EPB41L3: variants seen among roughly 807,000 people sequenced by gnomAD.
EPB41L3 encodes band 4.1-like protein 3.
A neutral mutation model predicts 127.1 loss-of-function variants in EPB41L3; 57 were observed. The observed-to-expected ratio is 0.45, with a 90% confidence interval of 0.36 to 0.56. The LOEUF is 0.56. Among genes scored for constraint, EPB41L3 ranks in the 20% least tolerant of loss-of-function variants. EPB41L3 has a pLI of 0.00. For missense variants in EPB41L3, 1,273 were observed against 1,372.2 expected (o/e 0.93, Z 1.14); for synonymous variants, 572 against 549.5 (o/e 1.04, Z -0.57).
intron 6 of EPB41L3, among the ~76,000 whole-genome samples, chr18:5,435,892 T>A (rs1376025048): frequency 6.6e-6 from 1 of 152,214 alleles, no homozygotes; most frequent in African/African-American, 2.4e-5. Flanking sequence ...CAGTTCTCAT[T>A]TTTAGAATTT....
At chr18:5,570,565 TTTTC>T (rs2094264351) in intron 3 of EPB41L3, among the ~76,000 whole-genome samples, 1 of 151,992 alleles carries the variant, frequency 6.6e-6, no homozygotes, top group African/African-American at 2.4e-5. Flanking sequence ...AGCCCATTCT[TTTTC>T]TTTTTCTTTT....
Position 5,397,918 on chromosome 18 carries a change from G to C in EPB41L3, c.2472+103C>G. The C allele has an allele frequency of 7.0e-7, 1 of 1,432,134 alleles. No individual in the cohort carries two copies. Among genetic ancestry groups the C allele is most frequent in the East Asian group, 2.3e-5 (1 of 43,950 alleles). The allele number at this position is 1,432,134 out of a possible 1,614,324, so 88.7% of individuals were successfully genotyped here. On this transcript the variant is annotated intron_variant, in intron 17 of 22. Transcript: ENST00000341928. This position sits in a 1 kb window ranked among gnomAD's most constrained non-coding sequence, Gnocchi z 4.1. ...GTGAAGACACCTTTGAGATGTTGAA[G>C]GCAAAGCCAGCTGGATGCAACCACA...
At chr18:5,613,253 T>A (rs2094750317) in intron 2 of EPB41L3, among the ~76,000 whole-genome samples, 1 of 152,198 alleles carries the variant, frequency 6.6e-6, no homozygotes, top group Admixed American at 6.5e-5. Context: ...AAATAATAAA[T>A]GTCCTGGCTT....
intron 1 of EPB41L3, among the ~76,000 whole-genome samples, chr18:5,503,064 C>G (rs1353223058): frequency 6.6e-6 from 1 of 152,084 alleles, no homozygotes; most frequent in Non-Finnish European, 1.5e-5. Context: ...AGATTTTCTA[C>G]AAAAGTACTA....
chr18:5,410,671 T>C, intron 13 of EPB41L3, 52 bp from the exon 14 acceptor site: 1 of 1,508,342 alleles, frequency 6.6e-7, no homozygotes, highest in Non-Finnish European at 9.2e-7. Flanking sequence ...GGACAGAAAG[T>C]AAACCATCTG....
chr18:5,555,618 C>T (rs954925111), intron 3 of EPB41L3, among the ~76,000 whole-genome samples: 1 of 152,142 alleles, frequency 6.6e-6, no homozygotes, highest in Non-Finnish European at 1.5e-5. Flanking sequence ...GATCTATTAC[C>T]AAGCCCTTTG....
At chr18:5,592,607 G>C (rs959334553) in intron 3 of EPB41L3, among the ~76,000 whole-genome samples, 2 of 152,226 alleles carry the variant, frequency 1.3e-5, no homozygotes, top group Non-Finnish European at 2.9e-5. Flanking sequence ...AGGGAGGGTT[G>C]TGCCAGCTAC....
intron 3 of EPB41L3, among the ~76,000 whole-genome samples, chr18:5,585,200 G>A (rs1382359934): frequency 6.6e-6 from 1 of 152,186 alleles, no homozygotes; most frequent in Non-Finnish European, 1.5e-5. Flanking sequence ...TACAAGAAGT[G>A]GATGTTGAGT....
At chr18:5,453,343 T>C (rs984484859) in intron 3 of EPB41L3, among the ~76,000 whole-genome samples, 3 of 152,172 alleles carry the variant, frequency 2.0e-5, no homozygotes, top group African/African-American at 7.2e-5. Context: ...GGAGAGCAAG[T>C]TGTTTTGCAT....
At chr18:5,448,062 G>A (rs2081771576) in intron 3 of EPB41L3, among the ~76,000 whole-genome samples, 1 of 152,140 alleles carries the variant, frequency 6.6e-6, no homozygotes, top group Non-Finnish European at 1.5e-5. Flanking sequence ...GGATGACTAT[G>A]GAAAAGGCTT....
At position 5,395,049 on chromosome 18, in the gene EPB41L3, C is replaced by T; in HGVS notation, c.3153+18G>A. The T allele has an allele frequency of 1.2e-6, 2 of 1,611,600 alleles. No homozygotes were observed. Among genetic ancestry groups the T allele is most frequent in the African/African-American group, 1.3e-5 (1 of 74,992 alleles). On this transcript the variant is annotated intron_variant, in intron 21 of 22. Transcript: ENST00000341928. ...CTTTGTTTCTCTGCCAGGGTATTTA[C>T]CGTCTCACACACACTACCTGGTCAT...
intron 3 of EPB41L3, among the ~76,000 whole-genome samples, chr18:5,595,610 T>G (rs2094528887): frequency 6.6e-6 from 1 of 152,176 alleles, no homozygotes; most frequent in South Asian, 2.1e-4. Flanking sequence ...AGTAATTGTG[T>G]GAAAGCTCAG....
chr18:5,550,734 T>C (rs555821988), intron 3 of EPB41L3, among the ~76,000 whole-genome samples: 2 of 152,154 alleles, frequency 1.3e-5, no homozygotes, highest in African/African-American at 2.4e-5. Context: ...GGAGATGAAA[T>C]TGTGTTCCAA....
intron 16 of EPB41L3, among the ~76,000 whole-genome samples, chr18:5,406,060 G>A (rs2075331923): frequency 2.6e-5 from 4 of 151,882 alleles, no homozygotes; most frequent in African/African-American, 4.8e-5. Context: ...TCTTAAGCCC[G>A]GCCAACATGG....
intron 1 of EPB41L3, among the ~76,000 whole-genome samples, chr18:5,502,746 T>C (rs1298099256): frequency 3.3e-5 from 5 of 152,222 alleles, no homozygotes; most frequent in African/African-American, 1.2e-4. Flanking sequence ...TGTCACAAGT[T>C]TGGGGCTAGA....
At chr18:5,593,031 G>A (rs2094500442) in intron 3 of EPB41L3, among the ~76,000 whole-genome samples, 1 of 152,146 alleles carries the variant, frequency 6.6e-6, no homozygotes, top group Non-Finnish European at 1.5e-5. Flanking sequence ...TCATTCAGAA[G>A]GCTTTAAAAA....
chr18:5,496,911 G>A (rs927441096), intron 1 of EPB41L3, among the ~76,000 whole-genome samples: 1 of 152,184 alleles, frequency 6.6e-6, no homozygotes, highest in Non-Finnish European at 1.5e-5. Flanking sequence ...CTAATTGGAG[G>A]AGGAAAAGAA....
intron 6 of EPB41L3, among the ~76,000 whole-genome samples, chr18:5,437,462 C>T (rs769481108): frequency 6.6e-6 from 1 of 152,126 alleles, no homozygotes; most frequent in Non-Finnish European, 1.5e-5. Flanking sequence ...GTTACAGCAG[C>T]CCAGACTAAG....
At chr18:5,529,411 T>C (rs527802038) in intron 1 of EPB41L3, among the ~76,000 whole-genome samples, 6 of 152,128 alleles carry the variant, frequency 3.9e-5, no homozygotes, top group Non-Finnish European at 7.3e-5. Flanking sequence ...CCCCCCTCTG[T>C]GCGCACCGCC....
Sources: gnomAD v4.1 joint callset for allele counts (sites outside exome capture counted in the v4.1 genomes callset) on GRCh38, gnomAD v4.1.1 for gene constraint, Gnocchi (gnomAD v3.1) non-coding constraint, MANE v1.5 for transcripts, NCBI Gene and HGNC (gene_info 2026-07-23, HGNC 2026-07-21) for gene names.